The following NAA11 variants were observed in gnomAD, a reference collection of about 807,000 sequenced individuals.
NAA11 encodes the protein N-alpha-acetyltransferase 11.
NAA11 carries 15 observed loss-of-function variants against 16.1 expected under a neutral mutation model. That is an observed-to-expected ratio of 0.93 (90% CI 0.62 to 1.44). The LOEUF (loss-of-function observed/expected upper bound fraction) is 1.44. Ranked by LOEUF, NAA11 falls within the 40% of genes most tolerant of loss-of-function variation. The pLI is 0.00. For synonymous variants in NAA11, 122 were observed against 112.4 expected (o/e 1.09, Z -0.54); for missense variants, 298 against 291.3 (o/e 1.02, Z -0.17).
the NAA11 span, among the ~76,000 whole-genome samples, chr4:79,206,759 A>T: frequency 6.6e-6 from 1 of 152,174 alleles, no homozygotes; most frequent in Non-Finnish European, 1.5e-5. Flanking sequence ...AATAAGGTAG[A>T]TGCGTCAAGT....
the NAA11 span, among the ~76,000 whole-genome samples, chr4:79,218,033 G>A: frequency 6.6e-6 from 1 of 152,114 alleles, no homozygotes; most frequent in Non-Finnish European, 1.5e-5. Flanking sequence ...AAGTCATGAA[G>A]GGTGCAGAAT....
chr4:79,194,608 C>A, the NAA11 span, among the ~76,000 whole-genome samples: 2 of 151,988 alleles, frequency 1.3e-5, no homozygotes, highest in East Asian at 3.9e-4. Flanking sequence ...TTTGGAAAAG[C>A]CTTATCTGGC....
chr4:79,180,133 C>G, the NAA11 span, among the ~76,000 whole-genome samples: 1 of 152,084 alleles, frequency 6.6e-6, no homozygotes, highest in Non-Finnish European at 1.5e-5. Flanking sequence ...GACAGAAAGC[C>G]TAACTATATC....
the NAA11 span, among the ~76,000 whole-genome samples, chr4:79,201,473 ACTTT>A: frequency 1.3e-5 from 2 of 151,800 alleles, no homozygotes; most frequent in African/African-American, 2.4e-5. Flanking sequence ...TATTTATTTT[ACTTT>A]CTTTATGAAT....
At chr4:79,322,260 C>T (rs1336888005) in intron 1 of NAA11, among the ~76,000 whole-genome samples, 1 of 152,104 alleles carries the variant, frequency 6.6e-6, no homozygotes, top group Non-Finnish European at 1.5e-5. Context: ...CTCAGAAAGA[C>T]GGTGAAGCTC....
rs1159272902 is a variant in NAA11, at chr4:79,262,521, G to GGAAATTTGTGAGA, written c.*122+31471_*122+31483dup. On this transcript the variant is annotated intron_variant and NMD_transcript_variant, in intron 2 of 2. Transcript: ENST00000511542. ...GTTAATAATATATAGGGGGGAATAG[G>GGAAATTTGTGAGA]GAAATTTGTGAGAAACATCTTCTTA... 3.3e-5 allele frequency among the ~76,000 whole-genome samples: 5 copies of GGAAATTTGTGAGA among 152,062 alleles called. No individual in the cohort carries two copies. In the South Asian group the frequency reaches 1.0e-3, roughly 32 times the overall value.
rs570742516 is a variant in NAA11, at chr4:79,320,291, GC to G, written c.*13-2501del. ...TTCCCATCCAAGATTGCAAACTGTTGCTGCTCATACACAACATTCTATCATT... is the reference window on the plus strand; with the variant it reads ...TTCCCATCCAAGATTGCAAACTGTTGTGCTCATACACAACATTCTATCATT... On this transcript the variant is annotated intron_variant, in intron 1 of 1. Coordinates refer to ENST00000286794, the MANE Select transcript of NAA11 (RefSeq NM_032693.3). Among the ~76,000 whole-genome samples the G allele has an allele frequency of 3.9e-4, 59 of 152,276 alleles. 1 individual carries two copies. The South Asian group carries it at 0.012, about 31-fold the overall frequency.
At chr4:79,308,267 T>G (rs1242840530) in intron 1 of NAA11, 1 of 152,244 alleles carries the variant, frequency 6.6e-6, no homozygotes, top group Non-Finnish European at 1.5e-5. Flanking sequence ...TCTCTGGTAT[T>G]TGCAGGCTGT....
chr4:79,250,649 A>G (rs1707218824), intron 2 of NAA11, among the ~76,000 whole-genome samples: 1 of 152,262 alleles, frequency 6.6e-6, no homozygotes, highest in African/African-American at 2.4e-5. Context: ...ATTAAAGTAA[A>G]GAGTTTCTGC....
intron 1 of NAA11, among the ~76,000 whole-genome samples, chr4:79,295,479 A>G (rs1723193822): frequency 6.6e-6 from 1 of 152,230 alleles, no homozygotes; most frequent in African/African-American, 2.4e-5. Flanking sequence ...ATAAATGCTG[A>G]CACACAAAAG....
the NAA11 span, among the ~76,000 whole-genome samples, chr4:79,177,986 C>T: frequency 6.6e-6 from 1 of 152,100 alleles, no homozygotes; most frequent in African/African-American, 2.4e-5. Context: ...GTTCTCATAG[C>T]TGTTCTCAGA....
intron 1 of NAA11, among the ~76,000 whole-genome samples, chr4:79,321,885 T>C (rs1044131138): frequency 1.3e-5 from 2 of 152,138 alleles, no homozygotes; most frequent in African/African-American, 4.8e-5. Context: ...CTGGTATAAT[T>C]TTTACATCTT....
In NAA11 at chr4:79,241,297, A is replaced by G. The variant is rs527706405; in HGVS notation, c.*123-15027T>C. 1.2e-4 allele frequency among the ~76,000 whole-genome samples: 18 copies of G among 152,352 alleles called. No individual in the cohort carries two copies. In the South Asian group the frequency reaches 3.1e-3, roughly 26 times the overall value. ...GCTTACTTTATTGTGAGAATGCAGT[A>G]TATAATACATATAACATACAAAATA... On this transcript the variant is annotated intron_variant and NMD_transcript_variant, in intron 2 of 2. Coordinates refer to the NAA11 transcript ENST00000511542.
At position 79,325,235 on chromosome 4, in the gene NAA11, T is replaced by C; in HGVS notation, c.643A>G (p.Ser215Gly). Residue 215 changes from serine to glycine, a missense_variant, in exon 1 of 2, where the codon AGC (serine) becomes GGC (glycine). Physicochemically the swap from Ser to Gly is moderately conservative, Grantham distance 56. Transcript: ENST00000286794. ...TCTGAGCTGTCCTGGACGTTGGTGCTCTCCACAGACTCCTTAGGTTCTTTG... is the reference window on the plus strand; with the variant it reads ...TCTGAGCTGTCCTGGACGTTGGTGCCCTCCACAGACTCCTTAGGTTCTTTG... ...DSKEPKESVE[S>G]TNVQDSSESS... 6.2e-7 allele frequency: 1 copy of C among 1,613,520 alleles called. No homozygotes were observed. Among genetic ancestry groups the C allele is most frequent in the Non-Finnish European group, 8.5e-7 (1 of 1,179,704 alleles).
chr4:79,322,781 G>A (rs867488590), intron 1 of NAA11, among the ~76,000 whole-genome samples: 2 of 151,920 alleles, frequency 1.3e-5, no homozygotes, highest in African/African-American at 4.8e-5. Flanking sequence ...CTGTTCTGCC[G>A]GCTTTATTTT....
At chr4:79,189,390 C>T in the NAA11 span, among the ~76,000 whole-genome samples, 1 of 151,712 alleles carries the variant, frequency 6.6e-6, no homozygotes, top group Admixed American at 6.6e-5. Context: ...TTTGAGGAAG[C>T]AATAGGAAGT....
At chr4:79,274,377 A>G (rs1050343064) in intron 2 of NAA11, among the ~76,000 whole-genome samples, 3 of 152,072 alleles carry the variant, frequency 2.0e-5, no homozygotes, top group Admixed American at 2.0e-4. Context: ...CAAGAAGGAA[A>G]ACTTACTGCT....
the NAA11 span, among the ~76,000 whole-genome samples, chr4:79,217,015 G>T: frequency 6.6e-6 from 1 of 152,202 alleles, no homozygotes; most frequent in Non-Finnish European, 1.5e-5. Flanking sequence ...ATGACAGAAA[G>T]TTATTTAGTG....
the NAA11 span, among the ~76,000 whole-genome samples, chr4:79,168,629 G>A: frequency 6.6e-6 from 1 of 152,162 alleles, no homozygotes; most frequent in African/African-American, 2.4e-5. Context: ...TAGTGATGAT[G>A]AGCTCTTTTT....
Sources: gnomAD v4.1 joint callset for allele counts (sites outside exome capture counted in the v4.1 genomes callset) on GRCh38, gnomAD v4.1.1 for gene constraint, MANE v1.5 for transcripts, NCBI Gene and HGNC (gene_info 2026-07-23, HGNC 2026-07-21) for gene names.